ECPAS: variants seen among roughly 807,000 people sequenced by gnomAD.
ECPAS encodes the protein Ecm29 proteasome adaptor and scaffold.
A neutral mutation model predicts 255.1 loss-of-function variants in ECPAS; 70 were observed. The observed-to-expected ratio is 0.27, with a 90% CI of 0.23 to 0.33. The LOEUF (loss-of-function observed/expected upper bound fraction) is 0.33. Ranked by LOEUF, ECPAS falls within the 10% of genes least tolerant of loss-of-function variation. The probability of loss-of-function intolerance (pLI) is 1.00; values close to 1 mark genes in which losing one functional copy is unlikely to be tolerated. For synonymous variants in ECPAS, 784 were observed against 775.0 expected, an observed-to-expected ratio of 1.01 and a Z score of -0.19; for missense variants, 1,817 against 2,206.4, an observed-to-expected ratio of 0.82 and a Z score of 3.54.
At chr9:111,419,770 TATATC>T (rs2131780900) in intron 16 of ECPAS, among the ~76,000 whole-genome samples, 1 of 150,156 alleles carries the variant, frequency 6.7e-6, no homozygotes, top group African/African-American at 2.4e-5. Context: ...GTATTAGCTA[TATATC>T]ATATATTACA....
At chr9:111,413,766 G>A in intron 20 of ECPAS, 129 bp downstream of exon 20, 1 of 493,140 alleles carries the variant, frequency 2.0e-6, no homozygotes, top group South Asian at 4.3e-5. Flanking sequence ...AGTGTCTGAT[G>A]ATAAGAGAGT....
At chr9:111,425,565 A>C (rs563561085) in intron 11 of ECPAS, 69 bp from the exon 12 acceptor site, 2 of 1,184,568 alleles carry the variant, frequency 1.7e-6, no homozygotes, top group African/African-American at 1.6e-5. Flanking sequence ...ACGGATGATT[A>C]CATAAAATAA....
rs544025469 is a variant in ECPAS, at chr9:111,446,413, G to C, written c.154-1919C>G. ...GAATTTAAGATAAATATTCTGCAGG[G>C]CCAGGTTTACACTATTCTCCCTCAT... On this transcript the variant is annotated intron_variant, in intron 3 of 49. Coordinates refer to ENST00000684092, the MANE Select transcript of ECPAS (RefSeq NM_001364929.1). Among the ~76,000 whole-genome samples the C allele has an allele frequency of 2.6e-5, 4 of 152,244 alleles. No individual in the cohort carries two copies. In the South Asian group the frequency reaches 8.3e-4, roughly 32 times the overall value.
intron 7 of ECPAS, 48 bp from the exon 8 acceptor site, chr9:111,433,420 G>T: frequency 1.2e-6 from 2 of 1,602,520 alleles, no homozygotes; most frequent in Non-Finnish European, 1.7e-6. Context: ...GGGAGCAAAG[G>T]ACACCCACTG....
At chr9:111,476,943 C>T (rs965489138) in intron 1 of ECPAS, among the ~76,000 whole-genome samples, 8 of 152,106 alleles carry the variant, frequency 5.3e-5, no homozygotes, top group African/African-American at 1.9e-4. Flanking sequence ...GCTGGGATTA[C>T]AGGCATGCGC....
intron 35 of ECPAS, among the ~76,000 whole-genome samples, chr9:111,381,179 A>C (rs915425752): frequency 1.3e-5 from 2 of 152,190 alleles, no homozygotes; most frequent in Non-Finnish European, 2.9e-5. Flanking sequence ...TTTCTATTTA[A>C]AGTAAGAGAC....
chr9:111,476,364 G>T (rs1023016855), intron 1 of ECPAS, among the ~76,000 whole-genome samples: 8 of 152,080 alleles, frequency 5.3e-5, no homozygotes, highest in Admixed American at 1.3e-4. Context: ...GATAGTATTA[G>T]CAGAAAAACT....
intron 2 of ECPAS, among the ~76,000 whole-genome samples, chr9:111,469,572 A>G (rs2098284047): frequency 6.6e-6 from 1 of 152,104 alleles, no homozygotes; most frequent in Non-Finnish European, 1.5e-5. Flanking sequence ...GCACTTCGGG[A>G]GGCCGAGGTG....
At chr9:111,442,563 T>C (rs1589206689) in intron 4 of ECPAS, 139 bp from the exon 5 acceptor site, 1 of 613,876 alleles carries the variant, frequency 1.6e-6, no homozygotes, top group Non-Finnish European at 2.8e-6. Context: ...CCACGTTTAT[T>C]GCACCTTTAC....
At chr9:111,391,726 T>A in intron 29 of ECPAS, 30 bp downstream of exon 29, 2 of 1,380,930 alleles carry the variant, frequency 1.4e-6, no homozygotes, top group South Asian at 2.4e-5. Context: ...TTTAAAGATG[T>A]TTACCATTCA....
intron 19 of ECPAS, 112 bp downstream of exon 19, chr9:111,414,317 T>C (rs1360125219): frequency 2.2e-6 from 2 of 892,476 alleles, no homozygotes; most frequent in East Asian, 2.6e-5. Context: ...CAAAGGCTAA[T>C]GTTCAGTTAC....
rs1235471032 is a variant in ECPAS, at chr9:111,362,179, AAAAAAAAAACAAAAAC to A, written c.5381-26_5381-11del. 3.3e-6 allele frequency: 5 copies of A among 1,537,814 alleles called. No individual in the cohort carries two copies. The highest frequency in any genetic ancestry group is 3.5e-4 in the Middle Eastern group (2 of 5,768). On this transcript the variant is annotated splice_polypyrimidine_tract_variant and intron_variant, in intron 49 of 49. Transcript: ENST00000684092. ...TCCCACTGTTTAGATTCTGCATGAA[AAAAAAAAAACAAAAAC>A]AAAAAAAACAAAAAACAAAGCAAAA...
At chr9:111,376,422 A>G (rs2274898) in intron 37 of ECPAS, 54 bp downstream of exon 37, 99,311 of 1,394,720 alleles carry the variant, frequency 0.071, 4,468 homozygotes, top group East Asian at 0.19. Flanking sequence ...ACTTTGAAGA[A>G]TTACACTTTC....
At chr9:111,373,082 T>G in intron 41 of ECPAS, 88 bp downstream of exon 41, 1 of 990,130 alleles carries the variant, frequency 1.0e-6, no homozygotes, top group Middle Eastern at 2.2e-4. Flanking sequence ...TCACATAAAA[T>G]CATGGAGGGT....
intron 39 of ECPAS, among the ~76,000 whole-genome samples, chr9:111,373,645 T>C (rs753946538): frequency 1.3e-5 from 2 of 152,218 alleles, no homozygotes; most frequent in African/African-American, 4.8e-5. Context: ...TAAAGAACAC[T>C]AGTCCAGTCT....
At chr9:111,475,386 T>C (rs2132102502) in intron 1 of ECPAS, among the ~76,000 whole-genome samples, 1 of 152,350 alleles carries the variant, frequency 6.6e-6, no homozygotes, top group Admixed American at 6.5e-5. Flanking sequence ...CCAACTATTC[T>C]CACTGACAAT....
intron 24 of ECPAS, among the ~76,000 whole-genome samples, chr9:111,403,788 C>A (rs904857851): frequency 6.7e-6 from 1 of 149,842 alleles, no homozygotes; most frequent in Non-Finnish European, 1.5e-5. Context: ...AACATTTCAT[C>A]CAACTGCTAT....
Position 111,484,120 on chromosome 9 carries a change from G to C in ECPAS, c.-87C>G. ...GCCCGGGGGCGGGCCTCTGACCTGA[G>C]TCGGAGCCGGTCTCCATGCCGCGGA... On this transcript the variant is annotated 5_prime_UTR_variant, in exon 1 of 50. Coordinates refer to ENST00000684092, the MANE Select transcript of ECPAS (RefSeq NM_001364929.1). The C allele has an allele frequency of 3.5e-6, 5 of 1,448,000 alleles. No individual in the cohort carries two copies. Among genetic ancestry groups the C allele is most frequent in the Non-Finnish European group, 3.6e-6 (4 of 1,102,232 alleles). The allele number at this position is 1,448,000 out of a possible 1,614,324, so 89.7% of individuals were successfully genotyped here.
At chr9:111,466,616 T>TACACACACACACACACAC in intron 2 of ECPAS, among the ~76,000 whole-genome samples, 1 of 143,382 alleles carries the variant, frequency 7.0e-6, no homozygotes, top group South Asian at 2.3e-4. Flanking sequence ...AATAACTAAA[T>TACACACACACACACACAC]ACACACACAC....
Sources: allele counts gnomAD v4.1 joint callset (sites outside exome capture counted in the v4.1 genomes callset), GRCh38; gene constraint gnomAD v4.1.1; transcripts MANE v1.5; gene names NCBI Gene and HGNC (gene_info 2026-07-23, HGNC 2026-07-21).